NSMCE2: variants seen among roughly 807,000 people sequenced by gnomAD.
NSMCE2 encodes E3 SUMO-protein ligase NSE2.
NSMCE2 carries 24 observed loss-of-function variants against 23.8 expected under a neutral mutation model. That is an observed-to-expected ratio of 1.01 (90% CI 0.73 to 1.42). The LOEUF is 1.42. Among genes scored for constraint, NSMCE2 ranks in the 40% most tolerant of loss-of-function variants. The probability of loss-of-function intolerance (pLI) is 0.00; values close to 1 mark genes in which losing one functional copy is unlikely to be tolerated. For missense variants in NSMCE2, 284 were observed against 296.5 expected, an observed-to-expected ratio of 0.96 and a Z score of 0.31; for synonymous variants, 92 against 94.1, an observed-to-expected ratio of 0.98 and a Z score of 0.13.
chr8:125,195,695 C>G (rs148094571), intron 5 of NSMCE2, among the ~76,000 whole-genome samples: 1 of 152,002 alleles, frequency 6.6e-6, no homozygotes, highest in Non-Finnish European at 1.5e-5. Flanking sequence ...CTGGCACTGA[C>G]CATCAACCCA....
At chr8:125,202,974 CAG>C (rs1471610511) in intron 5 of NSMCE2, among the ~76,000 whole-genome samples, 1 of 152,112 alleles carries the variant, frequency 6.6e-6, no homozygotes, top group Admixed American at 6.5e-5. Flanking sequence ...GATAGGAAGA[CAG>C]AAACTGAAGT....
chr8:125,143,104 A>G (rs1820470041), intron 3 of NSMCE2, among the ~76,000 whole-genome samples: 1 of 151,836 alleles, frequency 6.6e-6, no homozygotes, highest in African/African-American at 2.4e-5. Flanking sequence ...GCACGCACAC[A>G]CACACACACA....
intron 5 of NSMCE2, among the ~76,000 whole-genome samples, chr8:125,314,223 A>C (rs1041259942): frequency 2.6e-5 from 4 of 152,128 alleles, no homozygotes; most frequent in East Asian, 1.9e-4. Context: ...ATAAATCAGT[A>C]ATGTGCTTTT....
chr8:125,342,598 T>C (rs1329008753), intron 5 of NSMCE2, among the ~76,000 whole-genome samples: 2 of 152,118 alleles, frequency 1.3e-5, no homozygotes, highest in Admixed American at 6.5e-5. Context: ...GAAATAAAGA[T>C]TTTCCTCATC....
At chr8:125,297,733 G>A (rs575457360) in intron 5 of NSMCE2, among the ~76,000 whole-genome samples, 1 of 152,184 alleles carries the variant, frequency 6.6e-6, no homozygotes, top group South Asian at 2.1e-4. Flanking sequence ...TAGTTGGGAG[G>A]CTGAGGTAGA....
chr8:125,184,932 CAGAG>C (rs1288450637), intron 5 of NSMCE2, among the ~76,000 whole-genome samples: 1 of 151,986 alleles, frequency 6.6e-6, no homozygotes, highest in Non-Finnish European at 1.5e-5. Context: ...AAATAGAGGC[CAGAG>C]AGAGAGACTT....
At chr8:125,100,158 T>C (rs1818117749) in intron 1 of NSMCE2, among the ~76,000 whole-genome samples, 1 of 152,036 alleles carries the variant, frequency 6.6e-6, no homozygotes, top group Admixed American at 6.6e-5. Flanking sequence ...ACTGCTTCTG[T>C]TTCCTCAGGA....
chr8:125,229,576 T>G (rs1490048062), intron 5 of NSMCE2, among the ~76,000 whole-genome samples: 1 of 152,170 alleles, frequency 6.6e-6, no homozygotes, highest in Non-Finnish European at 1.5e-5. Flanking sequence ...TGAAGATGCT[T>G]CATACAAAGT....
chr8:125,306,563 C>G (rs1053097506), intron 5 of NSMCE2, among the ~76,000 whole-genome samples: 1 of 151,906 alleles, frequency 6.6e-6, no homozygotes, highest in African/African-American at 2.4e-5. Context: ...GATTTTTTTT[C>G]CTGAACACAT....
At chr8:125,241,818 T>C (rs1563738795) in intron 5 of NSMCE2, among the ~76,000 whole-genome samples, 1 of 152,198 alleles carries the variant, frequency 6.6e-6, no homozygotes, top group Non-Finnish European at 1.5e-5. Context: ...CTTCCACAAA[T>C]ATTGTTGAGC....
At chr8:125,245,788 C>T (rs539551749) in intron 5 of NSMCE2, among the ~76,000 whole-genome samples, 1 of 152,282 alleles carries the variant, frequency 6.6e-6, no homozygotes, top group African/African-American at 2.4e-5. Flanking sequence ...AATCCCAGCA[C>T]TTTGGGAGGC....
At position 125,177,739 on chromosome 8, in the gene NSMCE2, A is replaced by C. The variant is rs539093599; in HGVS notation, c.265-4364A>C. Reference sequence around the variant, plus strand: ...GCATCATTTTCCCCAAAGGACAAGCACTTCTCTAATGGAAATTTTCTCTTT... The same window carrying C: ...GCATCATTTTCCCCAAAGGACAAGCCCTTCTCTAATGGAAATTTTCTCTTT... On this transcript the variant is annotated intron_variant, in intron 4 of 7. Coordinates refer to ENST00000287437, the MANE Select transcript of NSMCE2 (RefSeq NM_173685.4). Among the ~76,000 whole-genome samples, 224 of 152,274 alleles carry C rather than the reference A, an allele frequency of 1.5e-3. 1 individual carries two copies. The highest frequency in any genetic ancestry group is 5.1e-3 in the African/African-American group (210 of 41,562).
chr8:125,095,346 T>C (rs1817877914), intron 1 of NSMCE2, among the ~76,000 whole-genome samples: 1 of 152,054 alleles, frequency 6.6e-6, no homozygotes, highest in African/African-American at 2.4e-5. Flanking sequence ...TCCCAGCACT[T>C]GAGAGGCCGA....
chr8:125,171,556 G>A (rs1323371769), intron 4 of NSMCE2, among the ~76,000 whole-genome samples: 1 of 152,160 alleles, frequency 6.6e-6, no homozygotes, highest in Non-Finnish European at 1.5e-5. Flanking sequence ...ACAGTATGAA[G>A]TGCTTACCTC....
At chr8:125,258,093 G>A (rs1254359171) in intron 5 of NSMCE2, among the ~76,000 whole-genome samples, 2 of 152,256 alleles carry the variant, frequency 1.3e-5, no homozygotes, top group Non-Finnish European at 2.9e-5. Context: ...GAAGGGCAGA[G>A]AGTCAAGGGC....
chr8:125,231,838 C>T (rs942623514), intron 5 of NSMCE2, among the ~76,000 whole-genome samples: 5 of 152,112 alleles, frequency 3.3e-5, no homozygotes, highest in African/African-American at 1.2e-4. Flanking sequence ...TACCATGCAC[C>T]TCTTGAAAGA....
At chr8:125,207,370 A>T (rs907154402) in intron 5 of NSMCE2, among the ~76,000 whole-genome samples, 1 of 152,224 alleles carries the variant, frequency 6.6e-6, no homozygotes, top group African/African-American at 2.4e-5. Context: ...ATACACATTT[A>T]TTAGATAATA....
At chr8:125,176,112 G>C (rs1822478610) in intron 4 of NSMCE2, among the ~76,000 whole-genome samples, 1 of 152,212 alleles carries the variant, frequency 6.6e-6, no homozygotes, top group South Asian at 2.1e-4. Flanking sequence ...GAGCTAAAAT[G>C]AGCAATTCGT....
At chr8:125,280,484 A>C (rs1425352057) in intron 5 of NSMCE2, among the ~76,000 whole-genome samples, 1 of 152,230 alleles carries the variant, frequency 6.6e-6, no homozygotes, top group Non-Finnish European at 1.5e-5. Context: ...TGCTTATTTG[A>C]AGCAATAAAG....
Sources: allele counts gnomAD v4.1 joint callset (sites outside exome capture counted in the v4.1 genomes callset), GRCh38; gene constraint gnomAD v4.1.1; transcripts MANE v1.5; gene names NCBI Gene and HGNC (gene_info 2026-07-23, HGNC 2026-07-21).